SNAP29: variants seen among roughly 807,000 people sequenced by gnomAD.
SNAP29 encodes the protein synaptosome associated protein 29.
Under a neutral mutation model 27.9 loss-of-function variants are expected in SNAP29, and 13 were observed. The observed-to-expected ratio is 0.47, with a 90% CI of 0.30 to 0.74. The LOEUF is 0.74. SNAP29 is among the 30% of genes least tolerant of loss of function. The pLI is 0.06. For synonymous variants in SNAP29, 119 were observed against 127.1 expected (o/e 0.94, Z 0.43); for missense variants, 368 against 336.5 (o/e 1.09, Z -0.73).
At chr22:20,869,418 A>G (rs773332068) in intron 1 of SNAP29, among the ~76,000 whole-genome samples, 17 of 152,180 alleles carry the variant, frequency 1.1e-4, no homozygotes, top group Non-Finnish European at 2.1e-4. Flanking sequence ...ATCTGGATGG[A>G]AAACATTACA....
intron 2 of SNAP29, among the ~76,000 whole-genome samples, chr22:20,880,692 C>CTTTTTT (rs1012263511): frequency 6.6e-6 from 1 of 151,252 alleles, no homozygotes; most frequent in African/African-American, 2.4e-5. Context: ...TGCTACACTG[C>CTTTTTT]TTTTTTTTTC....
chr22:20,870,493 C>T lies in SNAP29; in HGVS notation c.394C>T (p.Pro132Ser), dbSNP rs774849915. The T allele has an allele frequency of 6.2e-7, 1 of 1,614,146 alleles. No homozygotes were observed. The highest frequency in any genetic ancestry group is 1.1e-5 in the South Asian group (1 of 91,076). The change falls in exon 2 of 5, where the codon CCT becomes TCT. Residue 132 changes from proline to serine, a missense_variant. By Grantham distance (74) the Pro-to-Ser change is moderately conservative (BLOSUM62 -1). Transcript: ENST00000215730. ...YFKSKPVETP[P>S]EQNGTLTSQP... ...CAAATCCAAACCAGTAGAGACCCCACCTGAACAGAATGGCACCCTCACCTC... is the reference window on the plus strand; with the variant it reads ...CAAATCCAAACCAGTAGAGACCCCATCTGAACAGAATGGCACCCTCACCTC...
rs1245655176 is a variant in SNAP29 at position 20,859,101 on chromosome 22, C to T, written c.-10C>T. The T allele has an allele frequency of 3.1e-6, 5 of 1,592,392 alleles. No individual in the cohort carries two copies. The highest frequency in any genetic ancestry group is 4.3e-6 in the Non-Finnish European group (5 of 1,165,342). ...CTTCTGTTTCCCAGACCGAGAGCCG[C>T]GCCGGCACCATGTCAGCTTACCCTA... is the stretch of plus-strand genomic sequence containing the variant. On this transcript the variant is annotated 5_prime_UTR_variant, in exon 1 of 5. Coordinates refer to ENST00000215730, the MANE Select transcript of SNAP29 (RefSeq NM_004782.4).
chr22:20,859,411 A>G (rs1928167814), intron 1 of SNAP29, 64 bp downstream of exon 1: 2 of 1,184,254 alleles, frequency 1.7e-6, no homozygotes, highest in Non-Finnish European at 2.5e-6. Flanking sequence ...GAGACGAGAA[A>G]TGTTTTGCTC....
rs1297636222 is a variant in SNAP29 at position 20,890,391 on chromosome 22, T to C, written c.*2555T>C. The C allele has an allele frequency of 7.5e-6, 3 of 398,492 alleles. No individual in the cohort carries two copies. Among genetic ancestry groups the C allele is most frequent in the Non-Finnish European group, 1.3e-5 (3 of 226,062 alleles). 24.7% of individuals were successfully genotyped at this position (398,492 alleles called of 1,614,324 possible). ...CAGATTTTGATTTCCACAGTTGAGCTGGAAACAAACTGTGCCTTCAAAAAA... is the reference window on the plus strand; with the variant it reads ...CAGATTTTGATTTCCACAGTTGAGCCGGAAACAAACTGTGCCTTCAAAAAA... On this transcript the variant is annotated 3_prime_UTR_variant, in exon 5 of 5. Transcript: ENST00000215730.
At position 20,879,114 on chromosome 22, in the gene SNAP29, C is replaced by T. The variant is rs570104404; in HGVS notation, c.435-1935C>T. ...CGAGGTCAGGAGATCGAGACCATTC[C>T]GGCTAACACGGTGAAACCCCGTCTC... On this transcript the variant is annotated intron_variant, in intron 2 of 4. Coordinates refer to ENST00000215730, the MANE Select transcript of SNAP29 (RefSeq NM_004782.4). Among the ~76,000 whole-genome samples the T allele has an allele frequency of 1.4e-3, 217 of 151,966 alleles. 1 individual carries two copies. Among genetic ancestry groups the T allele is most frequent in the African/African-American group, 1.5e-3 (64 of 41,444 alleles).
chr22:20,872,077 C>G (rs1419841020), intron 2 of SNAP29, among the ~76,000 whole-genome samples: 1 of 152,104 alleles, frequency 6.6e-6, no homozygotes, highest in African/African-American at 2.4e-5. Context: ...CAGAAAATTT[C>G]ATTTTCCCCT....
At chr22:20,876,918 C>T (rs570160228) in intron 2 of SNAP29, among the ~76,000 whole-genome samples, 1 of 152,330 alleles carries the variant, frequency 6.6e-6, no homozygotes, top group East Asian at 1.9e-4. Flanking sequence ...CTTCGGCCTT[C>T]TCTGAAGTTT....
In SNAP29 at chr22:20,870,498, AC is replaced by A; in HGVS notation, c.400del (p.Gln134ArgfsTer13). On this transcript the variant is annotated frameshift_variant, in exon 2 of 5. Transcript: ENST00000215730. LOFTEE classifies it high-confidence loss of function. ...CCAAACCAGTAGAGACCCCACCTGA[AC>A]AGAATGGCACCCTCACCTCCCAGCC... Reference protein sequence around the residue: ...KSKPVETPPEQNGTLTSQPNN... With the variant: ...KSKPVETPPEXNGTLTSQPNN... The A allele has an allele frequency of 2.5e-6, 4 of 1,614,190 alleles. No individual in the cohort carries two copies. The highest frequency in any genetic ancestry group is 3.4e-6 in the Non-Finnish European group (4 of 1,180,020).
intron 1 of SNAP29, among the ~76,000 whole-genome samples, chr22:20,868,392 A>C (rs1042649602): frequency 5.9e-5 from 9 of 152,236 alleles, no homozygotes; most frequent in African/African-American, 1.9e-4. Flanking sequence ...AGAGTTAAAC[A>C]AAGTTTAATA....
chr22:20,879,095 C>G (rs1356426545), intron 2 of SNAP29, among the ~76,000 whole-genome samples: 5 of 152,070 alleles, frequency 3.3e-5, no homozygotes, highest in Non-Finnish European at 7.4e-5. Context: ...ATCACGAGGT[C>G]AGGAGATCGA....
At chr22:20,862,499 G>T (rs1013767386) in intron 1 of SNAP29, among the ~76,000 whole-genome samples, 1 of 152,192 alleles carries the variant, frequency 6.6e-6, no homozygotes, top group East Asian at 1.9e-4. Context: ...GGGGATGGAG[G>T]AGGTAGCTTA....
intron 1 of SNAP29, among the ~76,000 whole-genome samples, chr22:20,866,891 G>T (rs138429610): frequency 6.6e-6 from 1 of 152,312 alleles, no homozygotes; most frequent in Non-Finnish European, 1.5e-5. Flanking sequence ...CAAAGAGTCT[G>T]CAGGGAGAGG....
chr22:20,859,788 G>A, intron 1 of SNAP29: 1 of 212,992 alleles, frequency 4.7e-6, no homozygotes, highest in South Asian at 6.0e-5. Context: ...GCCTGCGAGT[G>A]TCAGGTGATA....
chr22:20,870,737 G>T lies in SNAP29; in HGVS notation c.434+204G>T, dbSNP rs73879420. ...TGTTCACTTGATTGACATCTAGTCT[G>T]TCAATAGCTTCTCCAATAATTGTGA... On this transcript the variant is annotated intron_variant, in intron 2 of 4. Transcript: ENST00000215730. The T allele has an allele frequency of 9.4e-4, 597 of 633,008 alleles. 4 individuals carry two copies. In the African/African-American group the frequency reaches 9.7e-3, roughly 10 times the overall value. 39.2% of individuals were successfully genotyped at this position (633,008 alleles called of 1,614,324 possible).
Position 20,859,277 on chromosome 22 carries a change from C to T in SNAP29, c.167C>T (p.Thr56Met), listed in dbSNP as rs768644533. 20 of 1,609,498 alleles carry T rather than the reference C, an allele frequency of 1.2e-5. No homozygotes were observed. Among genetic ancestry groups the T allele is most frequent in the Non-Finnish European group, 1.5e-5 (18 of 1,178,990 alleles). Residue 56 changes from threonine to methionine, a missense_variant, in exon 1 of 5, where the codon ACG becomes ATG. By Grantham distance (81) the Thr-to-Met change is moderately conservative. Coordinates refer to ENST00000215730, the MANE Select transcript of SNAP29 (RefSeq NM_004782.4). ...GAGGTCCTCCGCAGGGCTGAGGCCA[C>T]GGCCGCCAGCACCAGCAGGTCCCTG... ...RQEVLRRAEATAASTSRSLAL... is the reference protein window; with the variant it reads ...RQEVLRRAEAMAASTSRSLAL...
At chr22:20,864,458 CG>C (rs1165024881) in intron 1 of SNAP29, among the ~76,000 whole-genome samples, 2 of 152,018 alleles carry the variant, frequency 1.3e-5, no homozygotes, top group African/African-American at 4.8e-5. Flanking sequence ...AAGGTGTCCC[CG>C]GAACTTAGAG....
intron 2 of SNAP29, among the ~76,000 whole-genome samples, chr22:20,880,505 C>CA (rs763227531): frequency 0.01 from 1,067 of 102,292 alleles, 8 homozygotes; most frequent in African/African-American, 0.029. Context: ...GACTCCATCT[C>CA]AAAAAAAAAA....
At chr22:20,880,787 C>T (rs1183340449) in intron 2 of SNAP29, among the ~76,000 whole-genome samples, 1 of 152,096 alleles carries the variant, frequency 6.6e-6, no homozygotes, top group Non-Finnish European at 1.5e-5. Context: ...CTCAGTTTCC[C>T]AAAATGCTGG....
Sources: allele counts gnomAD v4.1 joint callset (sites outside exome capture counted in the v4.1 genomes callset), GRCh38; gene constraint gnomAD v4.1.1; transcripts MANE v1.5; gene names NCBI Gene and HGNC (gene_info 2026-07-23, HGNC 2026-07-21).